GBGT1: variants seen among roughly 807,000 people sequenced by gnomAD.
The protein encoded by GBGT1 is globoside alpha-1,3-N-acetylgalactosaminyltransferase 1.
Under a neutral mutation model 20.9 loss-of-function variants are expected in GBGT1, and 18 were observed. The observed-to-expected ratio is 0.86, with a 90% confidence interval of 0.60 to 1.28. The LOEUF is 1.28. Among genes scored for constraint, GBGT1 ranks in the 50% most tolerant of loss-of-function variants. The probability of loss-of-function intolerance (pLI) is 0.00; values close to 1 mark genes in which losing one functional copy is unlikely to be tolerated. For synonymous variants in GBGT1, 168 were observed against 180.8 expected, an observed-to-expected ratio of 0.93 and a Z score of 0.57; for missense variants, 432 against 455.7, an observed-to-expected ratio of 0.95 and a Z score of 0.47.
rs1377518574 is a variant in GBGT1 at position 133,154,907 on chromosome 9, G to T, written c.359+271C>A. The T allele has an allele frequency of 4.8e-6, 2 of 413,708 alleles. No homozygotes were observed. The highest frequency in any genetic ancestry group is 1.1e-4 in the South Asian group (2 of 18,596). The allele number at this position is 413,708 out of a possible 1,614,324, so 25.6% of individuals were successfully genotyped here. A position where few individuals can be genotyped will look rare whatever the true frequency, so the allele number is the denominator to read the frequency against. ...CAGAGGAGGGGTCTAGATGAAACAG[G>T]GAGGGGCAAGGGGGCCTCCTGACAA... is the stretch of plus-strand genomic sequence containing the variant. On this transcript the variant is annotated intron_variant, in intron 6 of 6. Transcript: ENST00000372040. The surrounding 1 kb of genome is among the most constrained non-coding windows in gnomAD (Gnocchi z 4.2).
At chr9:133,157,089 G>C (rs1245827031) in intron 3 of GBGT1, among the ~76,000 whole-genome samples, 2 of 152,120 alleles carry the variant, frequency 1.3e-5, no homozygotes, top group Admixed American at 6.5e-5. Context: ...TTCAAGACCA[G>C]CCTGGGCAAC....
chr9:133,154,270 G>T lies in GBGT1; in HGVS notation c.360-9C>A. On this transcript the variant is annotated splice_polypyrimidine_tract_variant and intron_variant, in intron 6 of 6. Transcript: ENST00000372040. This position sits in a 1 kb window ranked among gnomAD's most constrained non-coding sequence, Gnocchi z 4.2. ...GGATGAAATGAGTGTACCTAGTGATGATCACCCGGTCACCCACTGCTACAC... is the reference window on the plus strand; with the variant it reads ...GGATGAAATGAGTGTACCTAGTGATTATCACCCGGTCACCCACTGCTACAC... The T allele has an allele frequency of 1.3e-6, 2 of 1,490,946 alleles. No individual in the cohort carries two copies. The highest frequency in any genetic ancestry group is 2.7e-5 in the South Asian group (2 of 75,108). The allele number at this position is 1,490,946 out of a possible 1,614,324, so 92.4% of individuals were successfully genotyped here.
Position 133,154,837 on chromosome 9 carries a change from C to T in GBGT1, c.359+341G>A. On this transcript the variant is annotated intron_variant, in intron 6 of 6. Transcript: ENST00000372040. The surrounding 1 kb of genome is among the most constrained non-coding windows in gnomAD (Gnocchi z 4.2). ...GGCCCAGAGGAAGGCTGCCAAGCGGCAGCTCCTAAAGGAAGGCCAGGTGGG... is the reference window on the plus strand; with the variant it reads ...GGCCCAGAGGAAGGCTGCCAAGCGGTAGCTCCTAAAGGAAGGCCAGGTGGG... 4.2e-6 allele frequency: 1 copy of T among 236,078 alleles called. No individual in the cohort carries two copies. 14.6% of individuals were successfully genotyped at this position (236,078 alleles called of 1,614,324 possible). A position where few individuals can be genotyped will look rare whatever the true frequency, so the allele number is the denominator to read the frequency against.
chr9:133,159,236 C>T (rs1321296156), intron 3 of GBGT1, among the ~76,000 whole-genome samples: 2 of 152,244 alleles, frequency 1.3e-5, no homozygotes, highest in African/African-American at 4.8e-5. Flanking sequence ...GCTGGGATTA[C>T]AGGCATAAGC....
intron 3 of GBGT1, among the ~76,000 whole-genome samples, chr9:133,157,817 T>TA (rs1185258319): frequency 3.3e-5 from 5 of 152,130 alleles, no homozygotes; most frequent in Admixed American, 3.3e-4. Flanking sequence ...ACCATCCACT[T>TA]AGAGTGTTTC....
chr9:133,154,257 T>G lies in GBGT1; in HGVS notation c.364A>C (p.Thr122Pro). ...TCCAGGAAGGACTGGATGAAATGAG[T>G]GTACCTAGTGATGATCACCCGGTCA... The part of the protein sequence containing the change: ...GVTVFAVGKY[T>P]HFIQSFLESA... Residue 122 changes from threonine (T) to proline (P), a missense_variant, in exon 7 of 7, where the codon ACT becomes CCT. Physicochemically the swap from Thr to Pro is conservative, Grantham distance 38. Transcript: ENST00000372040. This position sits in a 1 kb window ranked among gnomAD's most constrained non-coding sequence, Gnocchi z 4.2. The G allele has an allele frequency of 6.6e-7, 1 of 1,521,442 alleles. No individual in the cohort carries two copies. The highest frequency in any genetic ancestry group is 8.9e-7 in the Non-Finnish European group (1 of 1,129,778). The allele number at this position is 1,521,442 out of a possible 1,614,324, so 94.2% of individuals were successfully genotyped here. A position where few individuals can be genotyped will look rare whatever the true frequency, so the allele number is the denominator to read the frequency against.
chr9:133,161,548 A>G lies in GBGT1; in HGVS notation c.72-16T>C, dbSNP rs200142066. The stretch of plus-strand genomic sequence containing the variant: ...AAGATACACCCTGTGAATAAAAAAA[A>G]GAAAAAAAATCTGTTGATCCACTCT... On this transcript the variant is annotated splice_polypyrimidine_tract_variant and intron_variant, in intron 2 of 6. Transcript: ENST00000372040. 6.4e-7 allele frequency: 1 copy of G among 1,565,026 alleles called. No homozygotes were observed.
In GBGT1 at chr9:133,155,956, GTGA is replaced by G. The variant is rs1166492119; in HGVS notation, c.189-23_189-21del. The G allele has an allele frequency of 6.2e-6, 10 of 1,613,990 alleles. No individual in the cohort carries two copies. In the East Asian group the frequency reaches 6.7e-5, roughly 11 times the overall value. On this transcript the variant is annotated intron_variant, in intron 4 of 6. Coordinates refer to ENST00000372040, the MANE Select transcript of GBGT1 (RefSeq NM_021996.6). The stretch of plus-strand genomic sequence containing the variant: ...TGTGACCTGCAACCAAGAAGGACCA[GTGA>G]TGGAGGAGAGCCACCACCCTCACGG...
Position 133,153,628 on chromosome 9 carries a change from C to A in GBGT1, c.993G>T (p.Lys331Asn), listed in dbSNP as rs1832774400. The A allele has an allele frequency of 1.9e-6, 3 of 1,602,184 alleles. No homozygotes were observed. The highest frequency in any genetic ancestry group is 1.7e-5 in the Admixed American group (1 of 58,614). The change falls in exon 7 of 7, where the codon AAG (lysine) becomes AAT (asparagine). Residue 331 changes from lysine (K) to asparagine (N), a missense_variant. Coordinates refer to ENST00000372040, the MANE Select transcript of GBGT1 (RefSeq NM_021996.6). ...TGTCCAGTGTAGAAAAGCGGATCAG[C>A]TTCAGGCTGGGTGGCTGGGGCTTCC... ...DDRKPQPPSL[K>N]LIRFSTLDKD...
intron 3 of GBGT1, among the ~76,000 whole-genome samples, chr9:133,156,466 C>G (rs554583982): frequency 6.6e-6 from 1 of 152,032 alleles, no homozygotes; most frequent in East Asian, 1.9e-4. Flanking sequence ...TCAAGACCAG[C>G]CTGGCCAAGA....
Position 133,153,530 on chromosome 9 carries a change from G to T in GBGT1, c.*47C>A. ...TCTGCACGCTAGTGAAGCACTGGTGGCTGCAGGTCTTTGGGTCCCCATCCA... is the reference window on the plus strand; with the variant it reads ...TCTGCACGCTAGTGAAGCACTGGTGTCTGCAGGTCTTTGGGTCCCCATCCA... On this transcript the variant is annotated 3_prime_UTR_variant, in exon 7 of 7. Transcript: ENST00000372040. 1.5e-6 allele frequency: 2 copies of T among 1,361,004 alleles called. No homozygotes were observed. The highest frequency in any genetic ancestry group is 1.0e-6 in the Non-Finnish European group (1 of 993,414). The allele number at this position is 1,361,004 out of a possible 1,614,324, so 84.3% of individuals were successfully genotyped here.
rs35184631 is a variant in GBGT1, at chr9:133,153,878, G to A, written c.743C>T (p.Thr248Ile). ...QFPYERRRVS[T>I]AFVADSEGDF... is the part of the protein sequence containing the mutation. Reference sequence around the variant, plus strand: ...CCCTTCGCTGTCTGCCACAAAGGCAGTGGAAACACGCCTGCGCTCATAGGG... The same window carrying A: ...CCCTTCGCTGTCTGCCACAAAGGCAATGGAAACACGCCTGCGCTCATAGGG... The change falls in exon 7 of 7, where the codon ACT becomes ATT. Residue 248 changes from threonine to isoleucine, a missense_variant. Physicochemically the swap from Thr to Ile is moderately conservative, Grantham distance 89. Coordinates refer to ENST00000372040, the MANE Select transcript of GBGT1 (RefSeq NM_021996.6). 3.5e-4 allele frequency: 568 copies of A among 1,602,780 alleles called. 3 individuals carry two copies. The African/African-American group carries it at 6.3e-3, about 18-fold the overall frequency.
chr9:133,158,251 C>A (rs945174048), intron 3 of GBGT1, among the ~76,000 whole-genome samples: 1 of 152,202 alleles, frequency 6.6e-6, no homozygotes, highest in African/African-American at 2.4e-5. Flanking sequence ...ACACAGTAGT[C>A]TGCCAGGTCC....
intron 3 of GBGT1, among the ~76,000 whole-genome samples, chr9:133,156,821 G>A (rs1014441761): frequency 6.6e-6 from 1 of 152,116 alleles, no homozygotes. Flanking sequence ...ACCACCCCCG[G>A]CTGATTTTTT....
At chr9:133,155,851 C>T in intron 5 of GBGT1, 50 bp downstream of exon 5, 1 of 1,595,056 alleles carries the variant, frequency 6.3e-7, no homozygotes, top group Non-Finnish European at 8.6e-7. Flanking sequence ...TAAATCAGAG[C>T]TCTTTTGTCC....
chr9:133,154,275 C>A lies in GBGT1; in HGVS notation c.360-14G>T, dbSNP rs1334292001. 6.7e-7 allele frequency: 1 copy of A among 1,483,374 alleles called. No homozygotes were observed. The highest frequency in any genetic ancestry group is 1.3e-5 in the South Asian group (1 of 74,626). The allele number at this position is 1,483,374 out of a possible 1,614,324, so 91.9% of individuals were successfully genotyped here. Reference sequence around the variant, plus strand: ...AAATGAGTGTACCTAGTGATGATCACCCGGTCACCCACTGCTACACCAGCA... The same window carrying A: ...AAATGAGTGTACCTAGTGATGATCAACCGGTCACCCACTGCTACACCAGCA... On this transcript the variant is annotated splice_polypyrimidine_tract_variant and intron_variant, in intron 6 of 6. Coordinates refer to ENST00000372040, the MANE Select transcript of GBGT1 (RefSeq NM_021996.6). This position sits in a 1 kb window ranked among gnomAD's most constrained non-coding sequence, Gnocchi z 4.2.
Position 133,154,118 on chromosome 9 carries a change from A to T in GBGT1, c.503T>A (p.Ile168Asn). The stretch of plus-strand genomic sequence containing the variant: ...CCAGTGGGAGTGACCCTGGATGGGG[A>T]TGGAGCTGAGAAGCCGGTGGGGACC... ...PLGPHRLLSS[I>N]PIQGHSHWEE... The change falls in exon 7 of 7, where the codon ATC (isoleucine) becomes AAC (asparagine). Residue 168 changes from isoleucine (I) to asparagine (N), a missense_variant. By Grantham distance (149) the Ile-to-Asn change is moderately radical. Coordinates refer to ENST00000372040, the MANE Select transcript of GBGT1 (RefSeq NM_021996.6). The surrounding 1 kb of genome is among the most constrained non-coding windows in gnomAD (Gnocchi z 4.2). The T allele has an allele frequency of 6.2e-7, 1 of 1,610,482 alleles. No individual in the cohort carries two copies. The highest frequency in any genetic ancestry group is 8.5e-7 in the Non-Finnish European group (1 of 1,177,692).
chr9:133,161,386 G>T, intron 3 of GBGT1, 81 bp downstream of exon 3: 1 of 765,686 alleles, frequency 1.3e-6, no homozygotes, highest in Non-Finnish European at 2.1e-6. Context: ...GGCAGATGAA[G>T]TGAACTTAAA....
intron 3 of GBGT1, among the ~76,000 whole-genome samples, chr9:133,157,612 G>C (rs1469203343): frequency 1.3e-5 from 2 of 152,224 alleles, no homozygotes; most frequent in Non-Finnish European, 2.9e-5. Context: ...GTCTTGGCAG[G>C]CAGCCTCCAT....
Sources: gnomAD v4.1 joint callset for allele counts (sites outside exome capture counted in the v4.1 genomes callset) on GRCh38, gnomAD v4.1.1 for gene constraint, Gnocchi (gnomAD v3.1) non-coding constraint, MANE v1.5 for transcripts, NCBI Gene and HGNC (gene_info 2026-07-23, HGNC 2026-07-21) for gene names.